The following SLC24A4 variants were observed in gnomAD, a reference collection of about 807,000 sequenced individuals.
SLC24A4 encodes sodium/potassium/calcium exchanger 4.
A neutral mutation model predicts 79.0 loss-of-function variants in SLC24A4; 53 were observed. The ratio of observed to expected loss-of-function variants is 0.67; its 90% CI spans 0.54 to 0.84. The LOEUF (loss-of-function observed/expected upper bound fraction) is 0.84. SLC24A4 is among the 40% of genes least tolerant of loss of function. The pLI is 0.00. For synonymous variants in SLC24A4, 323 were observed against 323.8 expected, an observed-to-expected ratio of 1.00 and a Z score of 0.03; for missense variants, 731 against 822.0, an observed-to-expected ratio of 0.89 and a Z score of 1.35.
chr14:92,406,313 T>C (rs1219929223), intron 2 of SLC24A4, among the ~76,000 whole-genome samples: 2 of 152,208 alleles, frequency 1.3e-5, no homozygotes, highest in Non-Finnish European at 2.9e-5. Context: ...TGCCTGTGGC[T>C]TTTCCAGGTG....
In SLC24A4 at chr14:92,496,309, A is replaced by G. The variant is rs943657; in HGVS notation, c.*2681A>G. The G allele has an allele frequency of 0.99, 151,581 of 152,744 alleles. 75,221 individuals carry two copies. The highest frequency in any genetic ancestry group is 1 in the East Asian group (5,190 of 5,192). 9.5% of individuals were successfully genotyped at this position (152,744 alleles called of 1,614,324 possible). On this transcript the variant is annotated 3_prime_UTR_variant, in exon 17 of 17. Coordinates refer to ENST00000532405, the MANE Select transcript of SLC24A4 (RefSeq NM_153646.4). ...TTAACTAAATATTTTTCCATCACAA[A>G]TTTAAAGAATTGCATGATTAATTAG...
chr14:92,469,224 A>G (rs919430006), intron 12 of SLC24A4, among the ~76,000 whole-genome samples: 3 of 152,154 alleles, frequency 2.0e-5, no homozygotes, highest in African/African-American at 7.2e-5. Context: ...AATAGTAAAC[A>G]TAGGCCAGGC....
chr14:92,423,527 T>C (rs978465342), intron 2 of SLC24A4, among the ~76,000 whole-genome samples: 5 of 152,208 alleles, frequency 3.3e-5, no homozygotes, highest in Non-Finnish European at 7.3e-5. Flanking sequence ...GAACAAATTT[T>C]CACCACAGCA....
intron 2 of SLC24A4, among the ~76,000 whole-genome samples, chr14:92,426,436 G>C (rs1282550633): frequency 6.6e-6 from 1 of 152,154 alleles, no homozygotes; most frequent in Non-Finnish European, 1.5e-5. Context: ...TTCCTGGGTG[G>C]AGAACAGCTG....
At position 92,346,352 on chromosome 14, in the gene SLC24A4, TC is replaced by T. The variant is rs1235951193; in HGVS notation, c.241+20377del. ...TCCGTCTGTAAACTGGAAGTGCTCT[TC>T]CCTACCTCTCAGGATGGCCATGGAG... On this transcript the variant is annotated intron_variant, in intron 2 of 16. Transcript: ENST00000532405. 5.3e-5 allele frequency among the ~76,000 whole-genome samples: 8 copies of T among 152,258 alleles called. No homozygotes were observed. The East Asian group carries it at 1.5e-3, about 29-fold the overall frequency.
rs761157049 is a variant in SLC24A4, at chr14:92,434,003, C to T, written c.318+15C>T. The T allele has an allele frequency of 1.2e-5, 20 of 1,609,966 alleles. No individual in the cohort carries two copies. The highest frequency in any genetic ancestry group is 1.7e-5 in the Non-Finnish European group (20 of 1,176,348). On this transcript the variant is annotated intron_variant, in intron 3 of 16. Coordinates refer to ENST00000532405, the MANE Select transcript of SLC24A4 (RefSeq NM_153646.4). ...ACATCCTTGGTGTAAGTCGTCCTCCCAGAGTGGTCACAAAACTTCTGGCAC... is the reference window on the plus strand; with the variant it reads ...ACATCCTTGGTGTAAGTCGTCCTCCTAGAGTGGTCACAAAACTTCTGGCAC...
At chr14:92,329,057 G>T (rs1032898042) in intron 2 of SLC24A4, among the ~76,000 whole-genome samples, 2 of 152,258 alleles carry the variant, frequency 1.3e-5, no homozygotes, top group East Asian at 1.9e-4. Context: ...TGCACAGTTG[G>T]TGGGGTTTCC....
At chr14:92,429,873 G>A (rs1367042513) in intron 2 of SLC24A4, among the ~76,000 whole-genome samples, 1 of 152,158 alleles carries the variant, frequency 6.6e-6, no homozygotes, top group East Asian at 1.9e-4. Context: ...AGGCTTCAAG[G>A]CTTGATGTGG....
chr14:92,477,727 C>T (rs963379690), intron 12 of SLC24A4, among the ~76,000 whole-genome samples: 5 of 151,774 alleles, frequency 3.3e-5, no homozygotes, highest in South Asian at 2.1e-4. Flanking sequence ...AGTGCAGGAT[C>T]GTAGGCATGA....
intron 14 of SLC24A4, among the ~76,000 whole-genome samples, chr14:92,487,785 G>A (rs572738093): frequency 6.6e-6 from 1 of 152,128 alleles, no homozygotes; most frequent in Non-Finnish European, 1.5e-5. Context: ...CTAAAAGTCT[G>A]AAAGTCAGGT....
At chr14:92,330,809 G>A (rs931842177) in intron 2 of SLC24A4, among the ~76,000 whole-genome samples, 1 of 152,134 alleles carries the variant, frequency 6.6e-6, no homozygotes, top group Non-Finnish European at 1.5e-5. Flanking sequence ...ATACCCTCAT[G>A]CACTTGTCTA....
intron 2 of SLC24A4, among the ~76,000 whole-genome samples, chr14:92,400,241 A>C (rs12589315): frequency 0.052 from 7,938 of 152,006 alleles, 484 homozygotes; most frequent in East Asian, 0.32. Context: ...GAGATCGAGA[A>C]CATCCAGGCC....
rs1023014775 is a variant in SLC24A4, at chr14:92,381,805, C to G, written c.242-52107C>G. 5.9e-5 allele frequency among the ~76,000 whole-genome samples: 9 copies of G among 152,074 alleles called. No individual in the cohort carries two copies. In the South Asian group the frequency reaches 1.9e-3, roughly 32 times the overall value. ...AAAGCTGTCAGGTCCCCCTCCTCTCCCATTATTGATAGTCACTTGACACCC... is the reference window on the plus strand; with the variant it reads ...AAAGCTGTCAGGTCCCCCTCCTCTCGCATTATTGATAGTCACTTGACACCC... On this transcript the variant is annotated intron_variant, in intron 2 of 16. Transcript: ENST00000532405.
At chr14:92,416,037 A>G (rs1408474180) in intron 2 of SLC24A4, among the ~76,000 whole-genome samples, 1 of 152,100 alleles carries the variant, frequency 6.6e-6, no homozygotes, top group Non-Finnish European at 1.5e-5. Context: ...ATGGGTTTTA[A>G]ATTCTAAGCT....
chr14:92,335,229 A>G (rs1438959310), intron 2 of SLC24A4, among the ~76,000 whole-genome samples: 1 of 152,316 alleles, frequency 6.6e-6, no homozygotes, highest in South Asian at 2.1e-4. Context: ...GATACTTTGT[A>G]TTAGTGGGTG....
rs747733955 is a variant in SLC24A4 at position 92,492,241 on chromosome 14, G to GT, written c.1716+2dup. ...GTTGCTGGGCTCTGTCGCTCTCACC[G>GT]TGAGTCTTTACAATTCCAAAACAGA... On this transcript the variant is annotated splice_donor_variant, in intron 16 of 16. Transcript: ENST00000532405. LOFTEE classifies it high-confidence loss of function. 6.2e-7 allele frequency: 1 copy of GT among 1,613,928 alleles called. No homozygotes were observed. The highest frequency in any genetic ancestry group is 8.5e-7 in the Non-Finnish European group (1 of 1,179,830).
In SLC24A4 at chr14:92,437,999, C is replaced by T. The variant is rs138716487; in HGVS notation, c.319-1336C>T. Among the ~76,000 whole-genome samples, 9 of 152,278 alleles carry T rather than the reference C, an allele frequency of 5.9e-5. 1 individual carries two copies. In the Middle Eastern group the frequency reaches 0.014, roughly 230 times the overall value. Reference sequence around the variant, plus strand: ...GCTTCAACAAACACACAACAAAATGCGTGTGGGTTTTTTCCCCACATGCCA... The same window carrying T: ...GCTTCAACAAACACACAACAAAATGTGTGTGGGTTTTTTCCCCACATGCCA... On this transcript the variant is annotated intron_variant, in intron 3 of 16. Coordinates refer to ENST00000532405, the MANE Select transcript of SLC24A4 (RefSeq NM_153646.4).
intron 2 of SLC24A4, among the ~76,000 whole-genome samples, chr14:92,405,208 C>G (rs1890311890): frequency 6.6e-6 from 1 of 152,156 alleles, no homozygotes. Flanking sequence ...TGGTGTCTGC[C>G]CAGCCAGGCA....
intron 3 of SLC24A4, among the ~76,000 whole-genome samples, chr14:92,437,201 C>T (rs1465626896): frequency 6.6e-6 from 1 of 152,228 alleles, no homozygotes. Flanking sequence ...CCTCCAACCT[C>T]ATATTCTCTG....
Sources: allele counts gnomAD v4.1 joint callset (sites outside exome capture counted in the v4.1 genomes callset), GRCh38; gene constraint gnomAD v4.1.1; transcripts MANE v1.5; gene names NCBI Gene and HGNC (gene_info 2026-07-23, HGNC 2026-07-21).